The following SH3KBP1 variants were observed in gnomAD, a reference collection of about 807,000 sequenced individuals.
SH3KBP1 encodes SH3 domain-containing kinase-binding protein 1.
SH3KBP1 carries 8 observed loss-of-function variants against 50.1 expected under a neutral mutation model. That is an observed-to-expected ratio of 0.16 (90% confidence interval 0.09 to 0.29). The LOEUF is 0.29. Among genes scored for constraint, SH3KBP1 ranks in the 10% least tolerant of loss-of-function variants. The pLI is 1.00. For missense variants in SH3KBP1, 377 were observed against 535.2 expected (o/e 0.70, Z 2.92); for synonymous variants, 227 against 218.6 (o/e 1.04, Z -0.34).
chrX:19,656,908 A>G (rs2148459318), intron 6 of SH3KBP1, among the ~76,000 whole-genome samples: 1 of 112,365 alleles, frequency 8.9e-6, no homozygotes, highest in East Asian at 2.8e-4. Context: ...TAAAGTAAAC[A>G]GTTTAGTCAA....
chrX:19,816,010 G>A (rs2067344417), intron 2 of SH3KBP1, among the ~76,000 whole-genome samples: 1 of 112,248 alleles, frequency 8.9e-6, no homozygotes, highest in East Asian at 2.8e-4. Flanking sequence ...ATTTCTCTGG[G>A]ATGAGTGTCC....
At chrX:19,719,492 A>C (rs2063998875) in intron 3 of SH3KBP1, among the ~76,000 whole-genome samples, 1 of 112,004 alleles carries the variant, frequency 8.9e-6, no homozygotes, top group South Asian at 3.7e-4. Context: ...AGTTTCTGCA[A>C]AGAGGAGCTG....
At chrX:19,767,569 A>G (rs1266756864) in intron 2 of SH3KBP1, among the ~76,000 whole-genome samples, 1 of 111,076 alleles carries the variant, frequency 9.0e-6, no homozygotes. Flanking sequence ...GCTTAAAAAT[A>G]GATCCAAAAG....
intron 1 of SH3KBP1, among the ~76,000 whole-genome samples, chrX:19,878,505 T>TGTGTGTGAGAGAGAGA (rs1491094714): frequency 2.1e-5 from 1 of 48,255 alleles, no homozygotes; most frequent in African/African-American, 6.0e-5. Flanking sequence ...TGTGTGTGTG[T>TGTGTGTGAGAGAGAGA]GAGAGAGAGA....
At chrX:19,674,980 G>A (rs1446197973) in intron 6 of SH3KBP1, among the ~76,000 whole-genome samples, 1 of 110,091 alleles carries the variant, frequency 9.1e-6, no homozygotes, top group Admixed American at 9.7e-5. Flanking sequence ...TCGGGAGGCT[G>A]AGGCAGAAGA....
At chrX:19,572,329 T>C (rs2066045416) in intron 12 of SH3KBP1, among the ~76,000 whole-genome samples, 1 of 105,769 alleles carries the variant, frequency 9.5e-6, no homozygotes, top group Non-Finnish European at 1.9e-5. Context: ...ATAGTACATA[T>C]ATATGTTATA....
At chrX:19,604,969 G>A (rs773885316) in intron 9 of SH3KBP1, among the ~76,000 whole-genome samples, 3 of 111,655 alleles carry the variant, frequency 2.7e-5, no homozygotes, top group Admixed American at 1.9e-4. Context: ...AAGAGATGGC[G>A]GCTGCTTGTG....
At chrX:19,608,989 C>T (rs1197832089) in intron 8 of SH3KBP1, among the ~76,000 whole-genome samples, 4 of 112,382 alleles carry the variant, frequency 3.6e-5, no homozygotes, top group Non-Finnish European at 5.6e-5. Flanking sequence ...CTATTTTGTT[C>T]ATTCATTCAT....
intron 2 of SH3KBP1, chrX:19,799,872 C>A: frequency 1.1e-6 from 1 of 939,343 alleles, no homozygotes; most frequent in Non-Finnish European, 1.4e-6. Flanking sequence ...TTTTGTAATT[C>A]TTTGCACTTA....
Position 19,875,493 on chromosome X carries a change from C to A in SH3KBP1, c.4+11814G>T, listed in dbSNP as rs745407097. 3.6e-5 allele frequency among the ~76,000 whole-genome samples: 4 copies of A among 112,420 alleles called. No homozygotes were observed. In the South Asian group the frequency reaches 1.5e-3, roughly 41 times the overall value. On this transcript the variant is annotated intron_variant, in intron 1 of 17. Transcript: ENST00000397821. ...GAAAATGAATGCCAACACTGGCAGG[C>A]GGTCTAGCATCCTCACTGAGAGTGC...
At chrX:19,644,645 G>A (rs1194137160) in intron 7 of SH3KBP1, among the ~76,000 whole-genome samples, 1 of 112,610 alleles carries the variant, frequency 8.9e-6, no homozygotes, top group East Asian at 2.8e-4. Context: ...ATATGGGATT[G>A]TGAAGACTTC....
chrX:19,757,533 C>G (rs1360787623), intron 2 of SH3KBP1, among the ~76,000 whole-genome samples: 1 of 103,654 alleles, frequency 9.6e-6, no homozygotes, highest in African/African-American at 3.6e-5. Flanking sequence ...CATTTTTCCT[C>G]TGCCCCATTT....
At chrX:19,745,519 C>T (rs147170403) in intron 3 of SH3KBP1, among the ~76,000 whole-genome samples, 58 of 111,852 alleles carry the variant, frequency 5.2e-4, no homozygotes, top group Middle Eastern at 4.6e-3. Context: ...AGTTCCTGTG[C>T]CTGCTTTCAA....
chrX:19,670,162 A>G (rs1465633483), intron 6 of SH3KBP1, among the ~76,000 whole-genome samples: 1 of 111,563 alleles, frequency 9.0e-6, no homozygotes, highest in Non-Finnish European at 1.9e-5. Context: ...TATTTCTAGC[A>G]AACTTTTATA....
chrX:19,695,583 C>A (rs775411932), intron 5 of SH3KBP1, 29 bp downstream of exon 5: 1 of 1,207,292 alleles, frequency 8.3e-7, no homozygotes, highest in South Asian at 1.8e-5. Context: ...CCCCGCCCCT[C>A]TCCTGCTTGG....
chrX:19,728,099 CAA>C (rs2040102134), intron 3 of SH3KBP1, among the ~76,000 whole-genome samples: 1 of 112,102 alleles, frequency 8.9e-6, no homozygotes, highest in Non-Finnish European at 1.9e-5. Context: ...AGATGATATG[CAA>C]AAGCCTTTGG....
chrX:19,569,060 T>C (rs1255499548), intron 13 of SH3KBP1, 43 bp downstream of exon 13: 6 of 1,114,293 alleles, frequency 5.4e-6, no homozygotes, highest in South Asian at 3.7e-5. Flanking sequence ...TGAGGTTCTT[T>C]ACTAACTCTG....
At chrX:19,541,488 C>T (rs1181707439) in intron 16 of SH3KBP1, among the ~76,000 whole-genome samples, 1 of 111,956 alleles carries the variant, frequency 8.9e-6, no homozygotes, top group Non-Finnish European at 1.9e-5. Flanking sequence ...ATTACTGGTA[C>T]CTCAATGCAG....
intron 2 of SH3KBP1, among the ~76,000 whole-genome samples, chrX:19,790,013 G>A (rs1392855159): frequency 2.8e-5 from 3 of 108,072 alleles, no homozygotes; most frequent in Non-Finnish European, 5.7e-5. Flanking sequence ...GGCTCAAGGA[G>A]AAAGGAAATG....
Sources: allele counts gnomAD v4.1 joint callset (sites outside exome capture counted in the v4.1 genomes callset), GRCh38; gene constraint gnomAD v4.1.1; transcripts MANE v1.5; gene names NCBI Gene and HGNC (gene_info 2026-07-23, HGNC 2026-07-21).